The following CIMIP5 variants were observed in gnomAD, a reference collection of about 807,000 sequenced individuals.
The protein encoded by CIMIP5 is ciliary microtubule inner protein 5.
chr2:11,136,765 T>C, the CIMIP5 span, among the ~76,000 whole-genome samples: 1 of 152,216 alleles, frequency 6.6e-6, no homozygotes, highest in African/African-American at 2.4e-5. Context: ...GAATGTGAAT[T>C]CTATCTCAAT....
At chr2:11,133,517 T>C in the CIMIP5 span, 19 of 1,608,458 alleles carry the variant, frequency 1.2e-5, no homozygotes, top group Non-Finnish European at 1.6e-5. Flanking sequence ...CTCAGGGAGC[T>C]GCCTGCGATG....
At chr2:11,140,502 C>T in the CIMIP5 span, 2 of 1,557,560 alleles carry the variant, frequency 1.3e-6, no homozygotes, top group South Asian at 2.4e-5. Flanking sequence ...CATGTTTTTC[C>T]TTTCCAGGAT....
chr2:11,138,157 G>T, the CIMIP5 span, among the ~76,000 whole-genome samples: 1 of 152,188 alleles, frequency 6.6e-6, no homozygotes, highest in Non-Finnish European at 1.5e-5. Flanking sequence ...AGGTTTTAAA[G>T]GAATGTTTAT....
At chr2:11,148,892 C>T in the CIMIP5 span, among the ~76,000 whole-genome samples, 2 of 151,886 alleles carry the variant, frequency 1.3e-5, no homozygotes, top group Admixed American at 6.6e-5. Context: ...CGCCACCATG[C>T]CTGGCTAATT....
chr2:11,140,086 C>CAAAAAAAAAAAA, the CIMIP5 span, among the ~76,000 whole-genome samples: 8 of 84,798 alleles, frequency 9.4e-5, no homozygotes, highest in South Asian at 4.4e-4. Context: ...GACTCCCTCT[C>CAAAAAAAAAAAA]AAAAAAAAAA....
chr2:11,147,652 G>A, the CIMIP5 span, among the ~76,000 whole-genome samples: 1 of 152,196 alleles, frequency 6.6e-6, no homozygotes, highest in Admixed American at 6.5e-5. Context: ...TCACAAGGGT[G>A]CAAGGGCCCA....
chr2:11,148,819 T>C, the CIMIP5 span, among the ~76,000 whole-genome samples: 3 of 145,314 alleles, frequency 2.1e-5, no homozygotes, highest in African/African-American at 8.0e-5. Context: ...ACTGCAACCT[T>C]CGCCTCCTGG....
the CIMIP5 span, among the ~76,000 whole-genome samples, chr2:11,136,604 G>C: frequency 1.2e-4 from 18 of 152,274 alleles, no homozygotes; most frequent in African/African-American, 4.3e-4. Flanking sequence ...AATGGACACA[G>C]GTGTTTTGGA....
the CIMIP5 span, among the ~76,000 whole-genome samples, chr2:11,148,732 CTT>C: frequency 2.5e-4 from 9 of 35,546 alleles, no homozygotes; most frequent in South Asian, 3.2e-3. Flanking sequence ...AATGAAAACT[CTT>C]TTTTTTTTTT....
chr2:11,148,730 C>CTTTTTTTTTTTTTTT, the CIMIP5 span, among the ~76,000 whole-genome samples: 1 of 63,860 alleles, frequency 1.6e-5, no homozygotes, highest in Non-Finnish European at 2.7e-5. Context: ...CTAATGAAAA[C>CTTTTTTTTTTTTTTT]TCTTTTTTTT....
At chr2:11,151,288 G>T in the CIMIP5 span, among the ~76,000 whole-genome samples, 1 of 152,238 alleles carries the variant, frequency 6.6e-6, no homozygotes, top group Non-Finnish European at 1.5e-5. Flanking sequence ...GTCAGGACCT[G>T]TTGGCAAAAT....
At chr2:11,150,288 A>G in the CIMIP5 span, among the ~76,000 whole-genome samples, 1 of 151,948 alleles carries the variant, frequency 6.6e-6, no homozygotes, top group South Asian at 2.1e-4. Context: ...CATGATGTAT[A>G]TAACAAACTT....
chr2:11,146,897 G>A, the CIMIP5 span: 3 of 152,218 alleles, frequency 2.0e-5, no homozygotes, highest in African/African-American at 7.2e-5. Context: ...TTTTTGCCCT[G>A]AGCCTGCCTT....
chr2:11,141,316 A>G, the CIMIP5 span, among the ~76,000 whole-genome samples: 2 of 151,972 alleles, frequency 1.3e-5, no homozygotes, highest in South Asian at 4.2e-4. Context: ...TTTAGTAGAG[A>G]GGGGGTTTCA....
the CIMIP5 span, among the ~76,000 whole-genome samples, chr2:11,136,947 A>G: frequency 6.6e-6 from 1 of 152,248 alleles, no homozygotes; most frequent in Admixed American, 6.5e-5. Context: ...ACAAGGAGGC[A>G]TAAAGACCAA....
At chr2:11,150,556 T>A in the CIMIP5 span, among the ~76,000 whole-genome samples, 1 of 151,454 alleles carries the variant, frequency 6.6e-6, no homozygotes, top group Non-Finnish European at 1.5e-5. Flanking sequence ...GGTCTTGAAC[T>A]CTTGACCTCA....
the CIMIP5 span, among the ~76,000 whole-genome samples, chr2:11,142,811 C>T: frequency 6.6e-6 from 1 of 150,498 alleles, no homozygotes; most frequent in Non-Finnish European, 1.5e-5. Flanking sequence ...CCTCAACCTC[C>T]TGGGCTCTAG....
chr2:11,140,235 C>G, the CIMIP5 span, among the ~76,000 whole-genome samples: 1 of 149,806 alleles, frequency 6.7e-6, no homozygotes, highest in Admixed American at 6.6e-5. Context: ...ATTAGCCAGG[C>G]GCGGTGGCGG....
At chr2:11,139,725 T>C in the CIMIP5 span, among the ~76,000 whole-genome samples, 1 of 152,248 alleles carries the variant, frequency 6.6e-6, no homozygotes, top group African/African-American at 2.4e-5. Context: ...GAAATTGAAA[T>C]GTTTGTTCCT....
Sources: allele counts gnomAD v4.1 joint callset (sites outside exome capture counted in the v4.1 genomes callset), GRCh38; gene constraint gnomAD v4.1.1; transcripts MANE v1.5; gene names NCBI Gene and HGNC (gene_info 2026-07-23, HGNC 2026-07-21).